UBQLN1: variants seen among roughly 807,000 people sequenced by gnomAD.
UBQLN1 encodes ubiquilin-1.
In UBQLN1, 13 loss-of-function variants were observed where a neutral mutation model predicts 65.4. That is an observed-to-expected ratio of 0.20 (90% CI 0.13 to 0.32). The LOEUF (loss-of-function observed/expected upper bound fraction) is 0.32. Ranked by LOEUF, UBQLN1 falls within the 10% of genes least tolerant of loss-of-function variation. The pLI is 1.00. For synonymous variants in UBQLN1, 267 were observed against 247.8 expected, an observed-to-expected ratio of 1.08 and a Z score of -0.73; for missense variants, 561 against 724.0, an observed-to-expected ratio of 0.77 and a Z score of 2.58.
Position 83,692,522 on chromosome 9 carries a change from A to G in UBQLN1, c.181-6367T>C, listed in dbSNP as rs146622667. On this transcript the variant is annotated intron_variant, in intron 1 of 10. Transcript: ENST00000376395. ...TAGACAGAGGTAGCTCACTGACACT[A>G]TTCCTCTGCAGAAAAATAAAACTTA... 1.2e-4 allele frequency among the ~76,000 whole-genome samples: 19 copies of G among 152,316 alleles called. No homozygotes were observed. In the East Asian group the frequency reaches 3.1e-3, roughly 25 times the overall value.
intron 1 of UBQLN1, among the ~76,000 whole-genome samples, chr9:83,690,019 ACACT>A (rs1306306179): frequency 6.6e-6 from 1 of 152,234 alleles, no homozygotes; most frequent in East Asian, 1.9e-4. Flanking sequence ...GAAACCACAC[ACACT>A]GTGGGTACAA....
chr9:83,678,466 G>T lies in UBQLN1; in HGVS notation c.845C>A (p.Pro282Gln). Residue 282 changes from proline (P) to glutamine (Q), a missense_variant, in exon 5 of 11, where the codon CCA becomes CAA. Pro to Gln is a moderately conservative substitution (Grantham distance 76). Around this residue, in one of 8 missense-constraint regions of UBQLN1, gnomAD observed 75 missense variants for 138.9 expected, o/e 0.54. Transcript: ENST00000376395. ...LRRMYTDIQE[P>Q]MLSAAQEQFG... is the part of the protein sequence containing the mutation. ...CTGCTCTTGTGCAGCACTCAGCATT[G>T]GTTCCTGAATATCTGTGTACATGCG... The T allele has an allele frequency of 6.2e-7, 1 of 1,613,262 alleles. No individual in the cohort carries two copies. The highest frequency in any genetic ancestry group is 8.5e-7 in the Non-Finnish European group (1 of 1,179,722).
At chr9:83,690,401 C>A (rs1587656290) in intron 1 of UBQLN1, among the ~76,000 whole-genome samples, 1 of 151,942 alleles carries the variant, frequency 6.6e-6, no homozygotes, top group Non-Finnish European at 1.5e-5. Context: ...TCCATGGTGC[C>A]CAAAGTGAGA....
intron 8 of UBQLN1, chr9:83,665,379 A>T (rs1276165207): frequency 5.4e-6 from 2 of 373,686 alleles, no homozygotes; most frequent in Non-Finnish European, 9.5e-6. Context: ...CATTTCCATA[A>T]TGGAAGAAAA....
chr9:83,703,364 G>C (rs1383824981), intron 1 of UBQLN1, among the ~76,000 whole-genome samples: 1 of 152,082 alleles, frequency 6.6e-6, no homozygotes, highest in African/African-American at 2.4e-5. Context: ...ATGGTTCAAT[G>C]TATACAGTTT....
chr9:83,680,725 G>A (rs1487167266), intron 3 of UBQLN1, among the ~76,000 whole-genome samples: 2 of 152,232 alleles, frequency 1.3e-5, no homozygotes, highest in Middle Eastern at 3.4e-3. Context: ...ATAATAAACA[G>A]GTAAACATAA....
intron 1 of UBQLN1, among the ~76,000 whole-genome samples, chr9:83,700,863 C>A (rs72746879): frequency 0.13 from 19,802 of 152,148 alleles, 1,631 homozygotes; most frequent in Middle Eastern, 0.26. Flanking sequence ...ATTATATATT[C>A]TAAGACCAAC....
At chr9:83,686,539 G>C (rs542476470) in intron 1 of UBQLN1, among the ~76,000 whole-genome samples, 17 of 152,106 alleles carry the variant, frequency 1.1e-4, no homozygotes, top group African/African-American at 4.1e-4. Context: ...TCCTATATTC[G>C]ATCCTCTGCT....
intron 1 of UBQLN1, among the ~76,000 whole-genome samples, chr9:83,697,040 A>C (rs1832227380): frequency 6.6e-6 from 1 of 152,002 alleles, no homozygotes. Context: ...CCTCCCAATT[A>C]GCTGGGACTA....
chr9:83,686,408 CA>C (rs1180792411), intron 1 of UBQLN1, among the ~76,000 whole-genome samples: 1 of 151,974 alleles, frequency 6.6e-6, no homozygotes, highest in Non-Finnish European at 1.5e-5. Context: ...CAAAACAAAA[CA>C]AAAAATCCCC....
rs1000441823 is a variant in UBQLN1 at position 83,704,281 on chromosome 9, T to C, written c.180+3219A>G. Among the ~76,000 whole-genome samples, 12 of 152,254 alleles carry C rather than the reference T, an allele frequency of 7.9e-5. 1 individual carries two copies. The highest frequency in any genetic ancestry group is 2.9e-4 in the African/African-American group (12 of 41,474). Reference sequence around the variant, plus strand: ...AAAATTTTTAAATTATAAAATGGCATATCTTTTGTGCTTCAAGTAGATTTT... The same window carrying C: ...AAAATTTTTAAATTATAAAATGGCACATCTTTTGTGCTTCAAGTAGATTTT... On this transcript the variant is annotated intron_variant, in intron 1 of 10. Coordinates refer to ENST00000376395, the MANE Select transcript of UBQLN1 (RefSeq NM_013438.5).
At position 83,663,874 on chromosome 9, in the gene UBQLN1, C is replaced by T. The variant is rs1331926156; in HGVS notation, c.1617+1G>A. 1.2e-6 allele frequency: 2 copies of T among 1,612,162 alleles called. No homozygotes were observed. The highest frequency in any genetic ancestry group is 1.7e-6 in the Non-Finnish European group (2 of 1,179,298). On this transcript the variant is annotated splice_donor_variant, in intron 10 of 10. Transcript: ENST00000376395. LOFTEE classifies it high-confidence loss of function. ...AAACTTGAATGGAAAAGAACTGATA[C>T]CTGAGGATTTACTCCAGCAAGAGCC...
At chr9:83,692,357 A>C (rs967149043) in intron 1 of UBQLN1, among the ~76,000 whole-genome samples, 1 of 152,232 alleles carries the variant, frequency 6.6e-6, no homozygotes, top group Admixed American at 6.5e-5. Context: ...AAATTTCTAG[A>C]AATTTTATCA....
intron 1 of UBQLN1, among the ~76,000 whole-genome samples, chr9:83,703,630 T>C (rs1048198227): frequency 6.6e-6 from 1 of 152,184 alleles, no homozygotes; most frequent in Admixed American, 6.5e-5. Flanking sequence ...TGACAGCACC[T>C]TGGAATGTAC....
chr9:83,678,090 C>T (rs940734364), intron 5 of UBQLN1, 129 bp from the exon 6 acceptor site: 38 of 698,140 alleles, frequency 5.4e-5, no homozygotes, highest in African/African-American at 3.1e-4. Flanking sequence ...GGCGCGATCT[C>T]GGCTCACTGC....
At chr9:83,694,806 G>A (rs1339415334) in intron 1 of UBQLN1, among the ~76,000 whole-genome samples, 2 of 152,106 alleles carry the variant, frequency 1.3e-5, no homozygotes, top group Admixed American at 6.5e-5. Flanking sequence ...TGCATACGAT[G>A]TCACAAAATC....
In UBQLN1 at chr9:83,663,003, G is replaced by A. The variant is rs114651509; in HGVS notation, c.1617+872C>T. Among the ~76,000 whole-genome samples the A allele has an allele frequency of 6.3e-3, 952 of 152,044 alleles. 12 individuals carry two copies. Among genetic ancestry groups the A allele is most frequent in the African/African-American group, 0.022 (904 of 41,444 alleles). ...AGGTGGGAGGATTGCTGCAGCCCAG[G>A]AGGTGCAGGTCGCAGTGAGCTGTGA... On this transcript the variant is annotated intron_variant, in intron 10 of 10. Coordinates refer to ENST00000376395, the MANE Select transcript of UBQLN1 (RefSeq NM_013438.5).
intron 5 of UBQLN1, among the ~76,000 whole-genome samples, chr9:83,678,223 G>GT (rs1179458151): frequency 6.6e-6 from 1 of 151,910 alleles, no homozygotes; most frequent in Non-Finnish European, 1.5e-5. Flanking sequence ...GGATTTCACC[G>GT]TATTAGCCAG....
chr9:83,682,212 G>A (rs973448213), intron 3 of UBQLN1, among the ~76,000 whole-genome samples: 6 of 152,064 alleles, frequency 3.9e-5, no homozygotes, highest in African/African-American at 4.8e-5. Flanking sequence ...TTGAACCCAG[G>A]AGGCAGAGGT....
Sources: gnomAD v4.1 joint callset for allele counts (sites outside exome capture counted in the v4.1 genomes callset) on GRCh38, gnomAD v4.1.1 for gene constraint, gnomAD v4.1.1 regional missense constraint, MANE v1.5 for transcripts, NCBI Gene and HGNC (gene_info 2026-07-23, HGNC 2026-07-21) for gene names.